IPO11: variants seen among roughly 807,000 people sequenced by gnomAD.
The protein encoded by IPO11 is importin 11, also known as importin-11.
IPO11 carries 66 observed loss-of-function variants against 143.2 expected under a neutral mutation model. The ratio of observed to expected loss-of-function variants is 0.46; its 90% CI spans 0.38 to 0.57. IPO11 has a LOEUF of 0.57. Among genes scored for constraint, IPO11 ranks in the 20% least tolerant of loss-of-function variants. The probability of loss-of-function intolerance (pLI) is 0.00; values close to 1 mark genes in which losing one functional copy is unlikely to be tolerated. For missense variants in IPO11, 1,026 were observed against 1,141.0 expected, an observed-to-expected ratio of 0.90 and a Z score of 1.45; for synonymous variants, 385 against 377.8, an observed-to-expected ratio of 1.02 and a Z score of -0.22.
intron 2 of IPO11, among the ~76,000 whole-genome samples, chr5:62,438,149 A>G (rs1423841111): frequency 1.3e-5 from 2 of 152,230 alleles, no homozygotes; most frequent in Non-Finnish European, 2.9e-5. Flanking sequence ...GAATCAGAGC[A>G]AAATTGTTTA....
At chr5:62,584,753 T>G (rs2112414324) in intron 27 of IPO11, among the ~76,000 whole-genome samples, 1 of 151,354 alleles carries the variant, frequency 6.6e-6, no homozygotes, top group Admixed American at 6.6e-5. Flanking sequence ...TGTTTTTGTT[T>G]TTTTTTTTTA....
intron 29 of IPO11, among the ~76,000 whole-genome samples, chr5:62,621,422 A>T (rs150988885): frequency 2.0e-5 from 3 of 152,234 alleles, no homozygotes; most frequent in Admixed American, 2.0e-4. Context: ...ACACAGGAAC[A>T]GGAGAGGCCA....
chr5:62,474,649 CT>C (rs1745892658), intron 8 of IPO11, among the ~76,000 whole-genome samples, 185 bp downstream of exon 8: 1 of 152,194 alleles, frequency 6.6e-6, no homozygotes, highest in Admixed American at 6.5e-5. Flanking sequence ...CACTTGATAG[CT>C]GCAGAGATCC....
chr5:62,541,797 T>C (rs1742956190), intron 24 of IPO11, among the ~76,000 whole-genome samples: 1 of 152,200 alleles, frequency 6.6e-6, no homozygotes, highest in Admixed American at 6.5e-5. Flanking sequence ...TTACTGCATA[T>C]CAAAAATCTA....
rs751080040 is a variant in IPO11 at position 62,442,996 on chromosome 5, A to G, written c.152A>G (p.Asn51Ser). The G allele has an allele frequency of 1.9e-6, 3 of 1,597,974 alleles. No individual in the cohort carries two copies. The highest frequency in any genetic ancestry group is 2.6e-6 in the Non-Finnish European group (3 of 1,170,468). Residue 51 changes from asparagine to serine, a missense_variant, in exon 3 of 30, where the codon AAC becomes AGC. Around this residue, in one of 5 missense-constraint regions of IPO11, gnomAD observed 429 missense variants for 456.3 expected, o/e 0.94. Transcript: ENST00000325324. ...TTTTATTTATAGAATATTTTCACCA[A>G]CCACACTTTGGATATAAATGTAAGG... ...FYSVLLNIFT[N>S]HTLDINVRWL...
chr5:62,575,918 A>G (rs1290795941), intron 27 of IPO11: 1 of 152,182 alleles, frequency 6.6e-6, no homozygotes, highest in Admixed American at 6.6e-5. Flanking sequence ...TTTTTCCAGG[A>G]ACACAAGTCC....
Position 62,506,251 on chromosome 5 carries a change from C to A in IPO11, c.1676C>A (p.Thr559Asn), listed in dbSNP as rs867443720. The change falls in exon 19 of 30, where the codon ACC becomes AAC. Residue 559 changes from threonine (T) to asparagine (N), a missense_variant. This residue lies in a region of IPO11 where 237 missense variants were observed against 288.0 expected (regional missense o/e 0.82). Coordinates refer to ENST00000325324, the MANE Select transcript of IPO11 (RefSeq NM_016338.5). Reference sequence around the variant, plus strand: ...TCTTTTTACCTGCAGTATTTGGAAACCATGTTCACACTACTTTTTCAGTTA... The same window carrying A: ...TCTTTTTACCTGCAGTATTTGGAAAACATGTTCACACTACTTTTTCAGTTA... ...RTDQFLPYLE[T>N]MFTLLFQLLQ... 6.3e-7 allele frequency: 1 copy of A among 1,598,424 alleles called. No individual in the cohort carries two copies. Among genetic ancestry groups the A allele is most frequent in the Non-Finnish European group, 8.6e-7 (1 of 1,169,236 alleles).
intron 23 of IPO11, 116 bp from the exon 24 acceptor site, chr5:62,537,093 T>C (rs1237220050): frequency 4.5e-6 from 3 of 660,916 alleles, no homozygotes; most frequent in Non-Finnish European, 5.2e-6. Context: ...TTTGATATGC[T>C]TAGACCATTA....
intron 27 of IPO11, among the ~76,000 whole-genome samples, chr5:62,582,967 A>G (rs1162025665): frequency 6.6e-6 from 1 of 152,198 alleles, no homozygotes; most frequent in Admixed American, 6.5e-5. Context: ...AAATTGCATA[A>G]ATAAAGCCCC....
chr5:62,568,128 G>A (rs935112092), intron 27 of IPO11, among the ~76,000 whole-genome samples: 1 of 151,260 alleles, frequency 6.6e-6, no homozygotes, highest in Non-Finnish European at 1.5e-5. Flanking sequence ...ACCACACCTG[G>A]CTAATTTTTG....
intron 27 of IPO11, chr5:62,576,176 A>G (rs1391687237): frequency 6.4e-6 from 1 of 156,742 alleles, no homozygotes; most frequent in Non-Finnish European, 1.5e-5. Context: ...TTGGGCATAA[A>G]CACCTTCAGT....
At chr5:62,573,506 T>G (rs1255100307) in intron 27 of IPO11, among the ~76,000 whole-genome samples, 1 of 152,246 alleles carries the variant, frequency 6.6e-6, no homozygotes, top group East Asian at 1.9e-4. Context: ...TATATTATAC[T>G]ACATAGTAGA....
At chr5:62,438,876 G>A (rs753287370) in intron 2 of IPO11, among the ~76,000 whole-genome samples, 6 of 151,766 alleles carry the variant, frequency 4.0e-5, no homozygotes, top group East Asian at 1.9e-4. Flanking sequence ...TGACTAACAC[G>A]GTGAAATCCC....
At chr5:62,496,303 A>T (rs374615630) in intron 16 of IPO11, among the ~76,000 whole-genome samples, 8 of 152,114 alleles carry the variant, frequency 5.3e-5, no homozygotes, top group African/African-American at 1.7e-4. Flanking sequence ...AAAAGAAAAA[A>T]AAAAAGAAGT....
chr5:62,556,914 G>GT (rs1056188149), intron 26 of IPO11, among the ~76,000 whole-genome samples: 1 of 151,834 alleles, frequency 6.6e-6, no homozygotes, highest in African/African-American at 2.4e-5. Flanking sequence ...TTGATTGTTT[G>GT]TTTTGTGGCT....
intron 28 of IPO11, among the ~76,000 whole-genome samples, chr5:62,600,093 C>T (rs1275631183): frequency 1.3e-5 from 2 of 152,166 alleles, no homozygotes; most frequent in Admixed American, 6.5e-5. Context: ...GTCTGGAGTG[C>T]AGTGGCACGA....
chr5:62,610,624 TTC>T (rs1745892948), intron 29 of IPO11, among the ~76,000 whole-genome samples: 4 of 152,324 alleles, frequency 2.6e-5, no homozygotes, highest in Middle Eastern at 6.8e-3. Flanking sequence ...TTAAAAGCAT[TTC>T]TCTGTTTACT....
At chr5:62,478,235 G>A (rs537422614) in intron 9 of IPO11, among the ~76,000 whole-genome samples, 1 of 152,250 alleles carries the variant, frequency 6.6e-6, no homozygotes, top group South Asian at 2.1e-4. Flanking sequence ...GTGTGATCTT[G>A]ACTCACTGCA....
chr5:62,551,938 C>G (rs576618215), intron 26 of IPO11, among the ~76,000 whole-genome samples: 2 of 152,080 alleles, frequency 1.3e-5, no homozygotes, highest in Non-Finnish European at 1.5e-5. Context: ...TCCTGGCTAA[C>G]ACAGTGAAAC....
Sources: gnomAD v4.1 joint callset for allele counts (sites outside exome capture counted in the v4.1 genomes callset) on GRCh38, gnomAD v4.1.1 for gene constraint, gnomAD v4.1.1 regional missense constraint, MANE v1.5 for transcripts, NCBI Gene and HGNC (gene_info 2026-07-23, HGNC 2026-07-21) for gene names.